Variants in CAMK2D observed in about 807,000 individuals in gnomAD.
CAMK2D encodes the protein calcium/calmodulin-dependent protein kinase type II subunit delta.
A neutral mutation model predicts 84.0 loss-of-function variants in CAMK2D; 37 were observed. The observed-to-expected ratio is 0.44, with a 90% CI of 0.34 to 0.58. The LOEUF is 0.58. Among genes scored for constraint, CAMK2D ranks in the 20% least tolerant of loss-of-function variants. CAMK2D has a pLI of 0.02. For synonymous variants in CAMK2D, 202 were observed against 212.5 expected (o/e 0.95, Z 0.43); for missense variants, 448 against 652.5 (o/e 0.69, Z 3.41).
chr4:113,699,282 TTTTG>T (rs2099411485), intron 2 of CAMK2D, among the ~76,000 whole-genome samples: 1 of 152,192 alleles, frequency 6.6e-6, no homozygotes, highest in South Asian at 2.1e-4. Context: ...TAGTTTTTTC[TTTTG>T]TTTAATATCT....
At chr4:113,503,045 A>C (rs944728498) in intron 14 of CAMK2D, 68 bp from the exon 15 acceptor site, 1 of 1,136,160 alleles carries the variant, frequency 8.8e-7, no homozygotes, top group African/African-American at 1.5e-5. Context: ...AGTGTGAAGG[A>C]CAGAGCAGAG....
chr4:113,502,064 A>G (rs1341697649), intron 15 of CAMK2D, among the ~76,000 whole-genome samples: 4 of 152,146 alleles, frequency 2.6e-5, no homozygotes, highest in African/African-American at 9.7e-5. Context: ...ATCATTGATA[A>G]GAGTATGGAG....
chr4:113,565,675 A>C (rs1591313080), intron 4 of CAMK2D, among the ~76,000 whole-genome samples: 1 of 145,824 alleles, frequency 6.9e-6, no homozygotes. Context: ...AAGAAGTCAC[A>C]CAAAAAAAAC....
chr4:113,618,212 TA>T (rs1405814193), intron 3 of CAMK2D, among the ~76,000 whole-genome samples: 5 of 152,238 alleles, frequency 3.3e-5, no homozygotes, highest in African/African-American at 1.2e-4. Context: ...ACTCTCGAGT[TA>T]AAGTTTAAAA....
At chr4:113,754,154 G>A in intron 2 of CAMK2D, 1 of 913,744 alleles carries the variant, frequency 1.1e-6, no homozygotes, top group Non-Finnish European at 1.3e-6. Flanking sequence ...TTGCAGTGTA[G>A]TTTACTAGAA....
chr4:113,723,804 A>G (rs531802171), intron 2 of CAMK2D, among the ~76,000 whole-genome samples: 1 of 152,310 alleles, frequency 6.6e-6, no homozygotes, highest in African/African-American at 2.4e-5. Context: ...CAACATACAA[A>G]GAATGGGGTA....
intron 4 of CAMK2D, among the ~76,000 whole-genome samples, chr4:113,588,986 C>A (rs1378182225): frequency 6.6e-6 from 1 of 152,080 alleles, no homozygotes; most frequent in Non-Finnish European, 1.5e-5. Flanking sequence ...GTGAGCCAAG[C>A]TCTGAGAGGA....
chr4:113,471,818 C>T (rs375388918), intron 16 of CAMK2D, among the ~76,000 whole-genome samples: 11 of 151,770 alleles, frequency 7.2e-5, no homozygotes, highest in African/African-American at 2.2e-4. Flanking sequence ...TTCTAGTCCC[C>T]CTCCTCTCAT....
chr4:113,650,964 T>C (rs1233265205), intron 3 of CAMK2D, among the ~76,000 whole-genome samples: 2 of 152,186 alleles, frequency 1.3e-5, no homozygotes, highest in Non-Finnish European at 2.9e-5. Context: ...TACAAAAATT[T>C]TTCCTCTTAT....
At chr4:113,657,300 G>A (rs1185410673) in intron 3 of CAMK2D, among the ~76,000 whole-genome samples, 3 of 152,132 alleles carry the variant, frequency 2.0e-5, no homozygotes, top group East Asian at 1.9e-4. Flanking sequence ...AAATCCTTAC[G>A]ACATTATTAT....
chr4:113,454,636 A>C (rs1369621115), intron 20 of CAMK2D, 121 bp from the exon 21 acceptor site: 1 of 663,944 alleles, frequency 1.5e-6, no homozygotes, highest in Non-Finnish European at 2.8e-6. Flanking sequence ...ATAGATTGAA[A>C]ACACTATGTA....
intron 13 of CAMK2D, among the ~76,000 whole-genome samples, chr4:113,506,877 A>C (rs1363131269): frequency 6.6e-6 from 1 of 151,302 alleles, no homozygotes; most frequent in African/African-American, 2.4e-5. Flanking sequence ...ACTTATCTGT[A>C]CAAGTGCACA....
chr4:113,580,268 T>C (rs1316718152), intron 4 of CAMK2D, among the ~76,000 whole-genome samples: 4 of 152,236 alleles, frequency 2.6e-5, no homozygotes, highest in African/African-American at 7.2e-5. Context: ...TTTTGGGATA[T>C]TCTGTTATGC....
intron 4 of CAMK2D, among the ~76,000 whole-genome samples, chr4:113,605,105 T>C (rs1395847776): frequency 2.6e-5 from 4 of 152,234 alleles, no homozygotes; most frequent in African/African-American, 9.6e-5. Flanking sequence ...TTAAGGAAGA[T>C]GCTCTCTTTC....
chr4:113,526,379 C>T (rs185902264), intron 8 of CAMK2D, among the ~76,000 whole-genome samples: 1 of 150,384 alleles, frequency 6.6e-6, no homozygotes, highest in African/African-American at 2.5e-5. Flanking sequence ...CTATGAGATG[C>T]CCTATGGCTA....
chr4:113,509,741 C>G (rs548524342), intron 12 of CAMK2D, 66 bp from the exon 13 acceptor site: 1 of 1,175,408 alleles, frequency 8.5e-7, no homozygotes, highest in African/African-American at 1.5e-5. Context: ...GACAACAAAG[C>G]AGTCAGGTTA....
chr4:113,718,970 T>C (rs1309710616), intron 2 of CAMK2D, among the ~76,000 whole-genome samples: 1 of 152,134 alleles, frequency 6.6e-6, no homozygotes, highest in Non-Finnish European at 1.5e-5. Flanking sequence ...AGTGAAAATC[T>C]AAATTAAAAA....
chr4:113,657,579 A>C (rs145621465), intron 3 of CAMK2D, among the ~76,000 whole-genome samples: 2 of 152,330 alleles, frequency 1.3e-5, no homozygotes, highest in Middle Eastern at 3.4e-3. Context: ...TTGAGCCCTC[A>C]GGTTTCTTCT....
chr4:113,569,740 A>G (rs1297122602), intron 4 of CAMK2D, among the ~76,000 whole-genome samples: 1 of 152,180 alleles, frequency 6.6e-6, no homozygotes, highest in Non-Finnish European at 1.5e-5. Flanking sequence ...TAAGAATAAT[A>G]TCTCTACAAA....
Sources: allele counts gnomAD v4.1 joint callset (sites outside exome capture counted in the v4.1 genomes callset), GRCh38; gene constraint gnomAD v4.1.1; transcripts MANE v1.5; gene names NCBI Gene and HGNC (gene_info 2026-07-23, HGNC 2026-07-21).